Variants in DZIP1 observed in about 807,000 individuals in gnomAD.
DZIP1 encodes the protein cilium assembly protein DZIP1.
A neutral mutation model predicts 107.6 loss-of-function variants in DZIP1; 97 were observed. The observed-to-expected ratio is 0.90, with a 90% CI of 0.77 to 1.07. The LOEUF (loss-of-function observed/expected upper bound fraction) is 1.07, where lower values mean the gene tolerates loss of function less well. Among genes scored for constraint, DZIP1 ranks in the 50% least tolerant of loss-of-function variants. The probability of loss-of-function intolerance (pLI) is 0.00; values close to 1 mark genes in which losing one functional copy is unlikely to be tolerated. For synonymous variants in DZIP1, 390 were observed against 386.4 expected (o/e 1.01, Z -0.11); for missense variants, 1,035 against 1,063.6 (o/e 0.97, Z 0.37).
intron 10 of DZIP1, among the ~76,000 whole-genome samples, chr13:95,615,822 C>A (rs985139954): frequency 6.6e-6 from 1 of 152,176 alleles, no homozygotes; most frequent in African/African-American, 2.4e-5. Context: ...CTGTCTAAGC[C>A]CCTGTGTCCT....
intron 7 of DZIP1, among the ~76,000 whole-genome samples, chr13:95,627,021 T>A (rs1876623401): frequency 6.6e-6 from 1 of 152,206 alleles, no homozygotes; most frequent in Admixed American, 6.5e-5. Context: ...CTCAATTTCA[T>A]ATGCAACTGT....
chr13:95,601,239 T>C (rs905414788), intron 14 of DZIP1, among the ~76,000 whole-genome samples: 1 of 152,124 alleles, frequency 6.6e-6, no homozygotes, highest in Non-Finnish European at 1.5e-5. Context: ...GAAGTGAGGC[T>C]GGCCAAACCC....
chr13:95,630,454 T>A (rs960512684), intron 6 of DZIP1, among the ~76,000 whole-genome samples: 1 of 151,982 alleles, frequency 6.6e-6, no homozygotes, highest in African/African-American at 2.4e-5. Context: ...TTCTTAGAGG[T>A]GCCTGTCTCA....
intron 22 of DZIP1, among the ~76,000 whole-genome samples, chr13:95,583,473 T>C (rs992911633): frequency 1.2e-4 from 18 of 152,122 alleles, no homozygotes; most frequent in Non-Finnish European, 5.9e-5. Context: ...GGTGGTGCGA[T>C]GGCATAGAGA....
At chr13:95,629,959 A>G in intron 7 of DZIP1, 30 bp downstream of exon 7, 2 of 1,571,220 alleles carry the variant, frequency 1.3e-6, no homozygotes, top group Non-Finnish European at 1.7e-6. Flanking sequence ...GTTAATTGTA[A>G]TTAAAATACC....
chr13:95,628,342 G>A (rs4526889), intron 7 of DZIP1, among the ~76,000 whole-genome samples: 1 of 152,120 alleles, frequency 6.6e-6, no homozygotes, highest in African/African-American at 2.4e-5. Context: ...CACACGTGGT[G>A]TACATATTTT....
At chr13:95,585,464 G>A (rs2044136193) in intron 21 of DZIP1, among the ~76,000 whole-genome samples, 1 of 152,222 alleles carries the variant, frequency 6.6e-6, no homozygotes, top group Admixed American at 6.5e-5. Context: ...GCCCTGGACT[G>A]GAGGACCAGT....
rs752588558 is a variant in DZIP1 at position 95,629,984 on chromosome 13, G to C, written c.810+5C>G. On this transcript the variant is annotated splice_donor_5th_base_variant and intron_variant, in intron 7 of 22. Transcript: ENST00000376829. ...ATTAAAATACCACAGAATTCTGCCT[G>C]GTACCTTGGAGAATCTGACTGCACT... The C allele has an allele frequency of 1.9e-6, 3 of 1,597,494 alleles. No homozygotes were observed. Among genetic ancestry groups the C allele is most frequent in the Non-Finnish European group, 8.5e-7 (1 of 1,174,312 alleles).
At chr13:95,611,422 G>A (rs746770932) in intron 12 of DZIP1, 23 bp downstream of exon 12, 38 of 1,609,492 alleles carry the variant, frequency 2.4e-5, no homozygotes, top group Non-Finnish European at 3.2e-5. Flanking sequence ...CTTGCCGCCA[G>A]TACCGGGATC....
intron 11 of DZIP1, 129 bp downstream of exon 11, chr13:95,611,908 T>C (rs948787137): frequency 1.2e-5 from 15 of 1,206,758 alleles, no homozygotes; most frequent in Non-Finnish European, 1.6e-5. Flanking sequence ...TTACAAGCAA[T>C]CACAAGGGGA....
chr13:95,643,856 AC>A (rs1331043117), intron 1 of DZIP1, among the ~76,000 whole-genome samples, 158 bp from the exon 2 acceptor site: 1 of 152,106 alleles, frequency 6.6e-6, no homozygotes, highest in Non-Finnish European at 1.5e-5. Context: ...AGAACGATTA[AC>A]CCATGATCTG....
intron 14 of DZIP1, among the ~76,000 whole-genome samples, chr13:95,605,634 A>G (rs1472630843): frequency 6.6e-6 from 1 of 152,228 alleles, no homozygotes; most frequent in East Asian, 1.9e-4. Context: ...AAAAACAACC[A>G]CATACGCCCT....
chr13:95,612,757 G>A (rs543385641), intron 10 of DZIP1, among the ~76,000 whole-genome samples: 1 of 152,210 alleles, frequency 6.6e-6, no homozygotes, highest in Non-Finnish European at 1.5e-5. Context: ...GCTAAATTTT[G>A]TATTTTTAGT....
At chr13:95,610,311 T>C (rs2044954934) in intron 12 of DZIP1, among the ~76,000 whole-genome samples, 1 of 136,490 alleles carries the variant, frequency 7.3e-6, no homozygotes, top group South Asian at 2.4e-4. Flanking sequence ...AAGAGTTTTT[T>C]GGTTTTTTTT....
In DZIP1 at chr13:95,612,050, G is replaced by A. The variant is rs1206715376; in HGVS notation, c.1301C>T (p.Thr434Ile). ...RLQEQNELII[T>I]QRQQIKDFTC... Reference sequence around the variant, plus strand: ...CGCCAGACATACCTGCTGTCTCTGAGTTATAATCAGCTCATTCTGCTCCTG... The same window carrying A: ...CGCCAGACATACCTGCTGTCTCTGAATTATAATCAGCTCATTCTGCTCCTG... Residue 434 changes from threonine (T) to isoleucine (I), a missense_variant, in exon 11 of 23, where the codon ACT becomes ATT. Physicochemically the swap from Thr to Ile is moderately conservative, Grantham distance 89. Transcript: ENST00000376829. The A allele has an allele frequency of 4.3e-6, 7 of 1,613,548 alleles. No homozygotes were observed. Among genetic ancestry groups the A allele is most frequent in the Non-Finnish European group, 5.9e-6 (7 of 1,180,000 alleles).
At chr13:95,640,789 T>C (rs1333184303) in intron 5 of DZIP1, among the ~76,000 whole-genome samples, 6 of 152,194 alleles carry the variant, frequency 3.9e-5, no homozygotes, top group Admixed American at 1.3e-4. Flanking sequence ...GTAATAATAA[T>C]ATGTATACAG....
chr13:95,582,827 C>G (rs1408234071), intron 22 of DZIP1, among the ~76,000 whole-genome samples: 2 of 152,144 alleles, frequency 1.3e-5, no homozygotes, highest in Non-Finnish European at 1.5e-5. Context: ...AAGTTTGACT[C>G]TAGAAATGTG....
At chr13:95,589,390 A>C (rs1330990560) in intron 18 of DZIP1, among the ~76,000 whole-genome samples, 183 bp from the exon 19 acceptor site, 4 of 152,226 alleles carry the variant, frequency 2.6e-5, no homozygotes, top group Admixed American at 2.6e-4. Flanking sequence ...CAGTTGGACC[A>C]AACACTGTTA....
chr13:95,583,925 C>T (rs1351293626), intron 22 of DZIP1, among the ~76,000 whole-genome samples: 1 of 151,802 alleles, frequency 6.6e-6, no homozygotes, highest in Non-Finnish European at 1.5e-5. Flanking sequence ...GAGTTTGAAT[C>T]CAGCCTAGGC....
Sources: allele counts gnomAD v4.1 joint callset (sites outside exome capture counted in the v4.1 genomes callset), GRCh38; gene constraint gnomAD v4.1.1; transcripts MANE v1.5; gene names NCBI Gene and HGNC (gene_info 2026-07-23, HGNC 2026-07-21).